The following DNAH5 variants were observed in gnomAD, a reference collection of about 807,000 sequenced individuals.
The protein encoded by DNAH5 is axonemal beta dynein heavy chain 5.
A neutral mutation model predicts 518.2 loss-of-function variants in DNAH5; 372 were observed. That is an observed-to-expected ratio of 0.72 (90% CI 0.66 to 0.78). DNAH5 has a LOEUF of 0.78. DNAH5 is among the 30% of genes least tolerant of loss of function. The probability of loss-of-function intolerance (pLI) is 0.00; values close to 1 mark genes in which losing one functional copy is unlikely to be tolerated. For missense variants in DNAH5, 5,523 were observed against 5,687.0 expected (o/e 0.97, Z 0.93); for synonymous variants, 2,039 against 2,025.9 (o/e 1.01, Z -0.17).
intron 28 of DNAH5, among the ~76,000 whole-genome samples, 198 bp downstream of exon 28, chr5:13,864,199 C>A (rs1388284205): frequency 1.3e-5 from 2 of 152,220 alleles, no homozygotes; most frequent in Non-Finnish European, 2.9e-5. Flanking sequence ...AAATGCAGGA[C>A]TGCATTGTTA....
intron 61 of DNAH5, among the ~76,000 whole-genome samples, chr5:13,757,483 G>T (rs1751161676): frequency 6.6e-6 from 1 of 152,142 alleles, no homozygotes; most frequent in Admixed American, 6.5e-5. Flanking sequence ...TCATATGATT[G>T]TTGGCCGCAT....
At chr5:13,810,000 T>C in intron 45 of DNAH5, 59 bp downstream of exon 45, 1 of 1,444,906 alleles carries the variant, frequency 6.9e-7, no homozygotes, top group South Asian at 1.2e-5. Context: ...GTGTAAATAT[T>C]GGCCATGTAG....
chr5:13,936,760 A>G (rs182542507), intron 1 of DNAH5, among the ~76,000 whole-genome samples: 9 of 152,282 alleles, frequency 5.9e-5, no homozygotes, highest in Non-Finnish European at 8.8e-5. Context: ...AATTGTACAA[A>G]TGTTTAAGCT....
chr5:13,707,847 A>T lies in DNAH5; in HGVS notation c.13338+276T>A, dbSNP rs1743001466. ...TGAGAAAAGACTTAACCTGTCCCAA[A>T]CTTAAGTTTCTCATCTGTAAAATAA... On this transcript the variant is annotated intron_variant, in intron 76 of 78. Coordinates refer to ENST00000265104, the MANE Select transcript of DNAH5 (RefSeq NM_001369.3). The surrounding 1 kb of genome is among the most constrained non-coding windows in gnomAD (Gnocchi z 4.0). Among the ~76,000 whole-genome samples the T allele has an allele frequency of 6.6e-6, 1 of 152,092 alleles. No individual in the cohort carries two copies. The highest frequency in any genetic ancestry group is 2.4e-5 in the African/African-American group (1 of 41,406).
rs745901461 is a variant in DNAH5 at position 13,913,770 on chromosome 5, C to T, written c.1509G>A (p.Gly503=). The T allele has an allele frequency of 6.2e-7, 1 of 1,613,494 alleles. No individual in the cohort carries two copies. Among genetic ancestry groups the T allele is most frequent in the Non-Finnish European group, 8.5e-7 (1 of 1,179,482 alleles). ...GGTATTTAGTGGCCATGTCTTCCAG[C>T]CCTTCAATTGTGGAATCTTGCAGGA... The part of the protein sequence containing the change: ...YSVLQDSTIE[G]LEDMATKYQG... Residue 503 remains glycine, a synonymous_variant, in exon 11 of 79, where the codon GGG becomes GGA. Coordinates refer to ENST00000265104, the MANE Select transcript of DNAH5 (RefSeq NM_001369.3).
chr5:13,973,915 T>C (rs1408200681), intron 1 of DNAH5, among the ~76,000 whole-genome samples: 3 of 152,124 alleles, frequency 2.0e-5, no homozygotes, highest in Non-Finnish European at 2.9e-5. Flanking sequence ...CTGTCTGACT[T>C]CCGACTGACG....
chr5:13,933,668 T>C (rs1778632837), intron 1 of DNAH5, among the ~76,000 whole-genome samples: 1 of 151,266 alleles, frequency 6.6e-6, no homozygotes, highest in Non-Finnish European at 1.5e-5. Context: ...CATGTGCCTG[T>C]AATCCCAGCT....
At chr5:13,766,375 C>A (rs1752518788) in intron 58 of DNAH5, among the ~76,000 whole-genome samples, 196 bp from the exon 59 acceptor site, 1 of 152,210 alleles carries the variant, frequency 6.6e-6, no homozygotes, top group Non-Finnish European at 1.5e-5. Flanking sequence ...ACTATTCAAA[C>A]TAGCAGTGAC....
At chr5:13,969,906 T>G (rs1781761409) in intron 1 of DNAH5, among the ~76,000 whole-genome samples, 1 of 152,136 alleles carries the variant, frequency 6.6e-6, no homozygotes, top group South Asian at 2.1e-4. Flanking sequence ...ATTAAAGTCC[T>G]CCACTATTAT....
At chr5:13,720,886 C>A in intron 71 of DNAH5, 114 bp downstream of exon 71, 3 of 1,415,828 alleles carry the variant, frequency 2.1e-6, no homozygotes, top group African/African-American at 1.4e-5. Context: ...GTTTAGTAAA[C>A]AGCAGGCAGC....
At chr5:13,990,484 C>T (rs936513071) in intron 1 of DNAH5, among the ~76,000 whole-genome samples, 4 of 152,088 alleles carry the variant, frequency 2.6e-5, no homozygotes, top group African/African-American at 9.6e-5. Flanking sequence ...ACCCGGGAGG[C>T]AGAGCTTGCA....
chr5:13,856,957 A>G (rs547512974), intron 30 of DNAH5, among the ~76,000 whole-genome samples: 2 of 152,354 alleles, frequency 1.3e-5, no homozygotes, highest in East Asian at 3.9e-4. Context: ...GACACAAGAC[A>G]AGGATGCCCT....
intron 47 of DNAH5, among the ~76,000 whole-genome samples, chr5:13,806,012 G>A (rs1434707810): frequency 6.6e-6 from 1 of 152,162 alleles, no homozygotes; most frequent in Non-Finnish European, 1.5e-5. Context: ...GTCTCATGAA[G>A]TGTGGATCAT....
chr5:13,925,883 G>A (rs1473463391), intron 3 of DNAH5, among the ~76,000 whole-genome samples: 1 of 152,166 alleles, frequency 6.6e-6, no homozygotes, highest in Non-Finnish European at 1.5e-5. Flanking sequence ...CAGGACAGGG[G>A]GGTTTGCTGG....
intron 1 of DNAH5, among the ~76,000 whole-genome samples, chr5:13,975,940 G>C (rs1219861274): frequency 6.6e-6 from 1 of 152,186 alleles, no homozygotes; most frequent in Non-Finnish European, 1.5e-5. Context: ...GGAGGCCAAG[G>C]CGGGAAGACT....
intron 61 of DNAH5, among the ~76,000 whole-genome samples, chr5:13,756,593 AAC>A (rs1352145121): frequency 6.6e-6 from 1 of 152,236 alleles, no homozygotes. Context: ...GGTAGAAATT[AAC>A]ACTCCTTCCA....
intron 47 of DNAH5, among the ~76,000 whole-genome samples, chr5:13,799,292 AACTAGG>A (rs1166119318): frequency 6.6e-6 from 1 of 150,882 alleles, no homozygotes; most frequent in East Asian, 2.0e-4. Flanking sequence ...CCTTATGGCC[AACTAGG>A]ACTTCCAGAC....
Position 13,752,204 on chromosome 5 carries a change from C to G in DNAH5, c.10958G>C (p.Gly3653Ala). ...ATCTAGTGCTGGATCTAGTTCCTCT[C>G]CAACATCTTCAATAAGCAAAGGCCT... Reference protein sequence around the residue: ...LGRPLLIEDVGEELDPALDNV... With the variant: ...LGRPLLIEDVAEELDPALDNV... The change falls in exon 64 of 79, where the codon GGA becomes GCA. Residue 3653 changes from glycine to alanine, a missense_variant. Physicochemically the swap from Gly to Ala is moderately conservative, Grantham distance 60. This residue lies in a region of DNAH5 where 5,121 missense variants were observed against 5,223.3 expected (regional missense o/e 0.98). Transcript: ENST00000265104. 1 of 1,613,988 alleles carries G rather than the reference C, an allele frequency of 6.2e-7. No homozygotes were observed. Among genetic ancestry groups the G allele is most frequent in the Non-Finnish European group, 8.5e-7 (1 of 1,179,936 alleles).
In DNAH5 at chr5:13,692,093, T is replaced by G. The variant is rs1162974503; in HGVS notation, c.13766A>C (p.Lys4589Thr). Residue 4589 changes from lysine to threonine, a missense_variant, in exon 79 of 79, where the codon AAG becomes ACG. Lys to Thr is a moderately conservative substitution (Grantham distance 78). Transcript: ENST00000265104. Reference sequence around the variant, plus strand: ...GTAGTTCAAGTCCGTTCGAACTGGCTTCTTATAGATGGGACAGGAGTAAAA... The same window carrying G: ...GTAGTTCAAGTCCGTTCGAACTGGCGTCTTATAGATGGGACAGGAGTAAAA... The part of the protein sequence containing the change: ...PRFYSCPIYK[K>T]PVRTDLNYIA... The G allele has an allele frequency of 1.2e-6, 2 of 1,614,050 alleles. No individual in the cohort carries two copies. The highest frequency in any genetic ancestry group is 4.5e-5 in the East Asian group (2 of 44,860).
Sources: gnomAD v4.1 joint callset for allele counts (sites outside exome capture counted in the v4.1 genomes callset) on GRCh38, gnomAD v4.1.1 for gene constraint, gnomAD v4.1.1 regional missense constraint, Gnocchi (gnomAD v3.1) non-coding constraint, MANE v1.5 for transcripts, NCBI Gene and HGNC (gene_info 2026-07-23, HGNC 2026-07-21) for gene names.